DCDC2C: variants seen among roughly 807,000 people sequenced by gnomAD.
DCDC2C encodes the protein doublecortin domain-containing protein 2C.
A neutral mutation model predicts 45.0 loss-of-function variants in DCDC2C; 44 were observed. The ratio of observed to expected loss-of-function variants is 0.98; its 90% CI spans 0.77 to 1.26. The LOEUF is 1.26. Ranked by LOEUF, DCDC2C falls within the 50% of genes most tolerant of loss-of-function variation. DCDC2C has a pLI of 0.00. For missense variants in DCDC2C, 447 were observed against 468.9 expected, an observed-to-expected ratio of 0.95 and a Z score of 0.43; for synonymous variants, 187 against 178.8, an observed-to-expected ratio of 1.05 and a Z score of -0.37.
intron 7 of DCDC2C, among the ~76,000 whole-genome samples, chr2:3,768,482 G>A (rs1670072519): frequency 6.6e-6 from 1 of 152,230 alleles, no homozygotes; most frequent in Non-Finnish European, 1.5e-5. Context: ...GAGAAAGCAA[G>A]GTGGTGGGAG....
chr2:3,777,561 TA>T (rs945688712), intron 8 of DCDC2C, among the ~76,000 whole-genome samples: 16 of 152,254 alleles, frequency 1.1e-4, no homozygotes, highest in African/African-American at 3.6e-4. Flanking sequence ...GATTATTCTT[TA>T]AAATAATGTG....
rs530814875 is a variant in DCDC2C at position 3,729,393 on chromosome 2, G to C, written c.416+2314G>C. Among the ~76,000 whole-genome samples, 5 of 152,340 alleles carry C rather than the reference G, an allele frequency of 3.3e-5. No homozygotes were observed. In the East Asian group the frequency reaches 9.6e-4, roughly 29 times the overall value. On this transcript the variant is annotated intron_variant, in intron 3 of 10. Transcript: ENST00000399143. ...TAGACACAGCTGGACATTAGTGAAA[G>C]CGGCAAAAACAGATTTTATTTAGTA...
intron 10 of DCDC2C, among the ~76,000 whole-genome samples, chr2:3,794,553 C>T (rs188589872): frequency 3.8e-4 from 57 of 150,658 alleles, no homozygotes; most frequent in Admixed American, 3.5e-3. Context: ...GTATGATGTT[C>T]CCCTTCCTGT....
intron 10 of DCDC2C, among the ~76,000 whole-genome samples, chr2:3,823,411 G>A (rs1045505071): frequency 2.0e-5 from 3 of 152,100 alleles, no homozygotes; most frequent in Non-Finnish European, 4.4e-5. Context: ...CCTGAGTAAT[G>A]TTCTCTATGC....
Position 3,818,083 on chromosome 2 carries a change from T to A in DCDC2C, c.1066-29071T>A, listed in dbSNP as rs1671598328. ...GGGCTTTGGAGGGGGATATGAGATA[T>A]CCTTTTGAGAATAGATGTTGGAAGA... On this transcript the variant is annotated intron_variant, in intron 10 of 10. Transcript: ENST00000399143. The surrounding 1 kb of genome is among the most constrained non-coding windows in gnomAD (Gnocchi z 4.7). Among the ~76,000 whole-genome samples, 1 of 152,000 alleles carries A rather than the reference T, an allele frequency of 6.6e-6. No homozygotes were observed.
chr2:3,732,265 G>T (rs1197883272), intron 3 of DCDC2C, among the ~76,000 whole-genome samples: 1 of 152,094 alleles, frequency 6.6e-6, no homozygotes, highest in African/African-American at 2.4e-5. Context: ...CATGATCTCG[G>T]AGAGAAGCCA....
intron 3 of DCDC2C, among the ~76,000 whole-genome samples, chr2:3,727,501 T>G (rs1435947715): frequency 6.6e-6 from 1 of 152,168 alleles, no homozygotes; most frequent in Non-Finnish European, 1.5e-5. Context: ...CCCCCGCCCC[T>G]TGACCTCTTG....
intron 6 of DCDC2C, 77 bp from the exon 7 acceptor site, chr2:3,767,677 C>G (rs1438840319): frequency 6.7e-7 from 1 of 1,502,808 alleles, no homozygotes; most frequent in East Asian, 2.5e-5. Flanking sequence ...TCTTCCTGAC[C>G]ACACCCAGAG....
intron 8 of DCDC2C, among the ~76,000 whole-genome samples, chr2:3,773,368 G>A (rs1185623533): frequency 6.6e-6 from 1 of 151,642 alleles, no homozygotes; most frequent in African/African-American, 2.4e-5. Flanking sequence ...GTATCCCCTT[G>A]GCATCCACCC....
At chr2:3,836,849 G>C (rs575969690) in intron 10 of DCDC2C, among the ~76,000 whole-genome samples, 162 of 125,316 alleles carry the variant, frequency 1.3e-3, no homozygotes, top group Non-Finnish European at 1.2e-3. Context: ...GCGACAGAGC[G>C]AGACTCCGTC....
intron 10 of DCDC2C, among the ~76,000 whole-genome samples, chr2:3,823,930 A>G (rs988774565): frequency 6.6e-6 from 1 of 152,232 alleles, no homozygotes; most frequent in Non-Finnish European, 1.5e-5. Context: ...GCTGTGTGCC[A>G]TGTGGTCTTT....
At chr2:3,730,272 G>A (rs1355158684) in intron 3 of DCDC2C, among the ~76,000 whole-genome samples, 1 of 152,122 alleles carries the variant, frequency 6.6e-6, no homozygotes, top group Non-Finnish European at 1.5e-5. Flanking sequence ...GCAACATAAT[G>A]AGACCCCATC....
In DCDC2C at chr2:3,734,912, G is replaced by A. The variant is rs1185484792; in HGVS notation, c.417-7008G>A. Among the ~76,000 whole-genome samples, 6 of 152,158 alleles carry A rather than the reference G, an allele frequency of 3.9e-5. No individual in the cohort carries two copies. The highest frequency in any genetic ancestry group is 6.5e-5 in the Admixed American group (1 of 15,270). On this transcript the variant is annotated intron_variant, in intron 3 of 10. Coordinates refer to ENST00000399143, the MANE Select transcript of DCDC2C (RefSeq NM_001287444.2). The surrounding 1 kb of genome is among the most constrained non-coding windows in gnomAD (Gnocchi z 4.2). The stretch of plus-strand genomic sequence containing the variant: ...TTTAGATAGGGGGTTCCTTACTCCC[G>A]GGTCCAGGGATGACTCCCTTATCGT...
At chr2:3,732,624 G>A (rs1022205644) in intron 3 of DCDC2C, among the ~76,000 whole-genome samples, 1 of 152,116 alleles carries the variant, frequency 6.6e-6, no homozygotes, top group African/African-American at 2.4e-5. Context: ...TGAGGGGAAA[G>A]GTGGCCTTAG....
chr2:3,772,758 C>T (rs1470219650), intron 8 of DCDC2C, among the ~76,000 whole-genome samples: 1 of 152,224 alleles, frequency 6.6e-6, no homozygotes, highest in Admixed American at 6.5e-5. Context: ...ATACAAGTCA[C>T]TTTTCTGTCC....
At chr2:3,732,813 A>G (rs1183951607) in intron 3 of DCDC2C, among the ~76,000 whole-genome samples, 1 of 152,182 alleles carries the variant, frequency 6.6e-6, no homozygotes, top group Non-Finnish European at 1.5e-5. Flanking sequence ...TCTGGGAGTC[A>G]TAAGAAGGAC....
intron 10 of DCDC2C, among the ~76,000 whole-genome samples, chr2:3,785,363 C>CGTGTGG (rs1163223529): frequency 6.6e-6 from 1 of 152,124 alleles, no homozygotes; most frequent in Non-Finnish European, 1.5e-5. Flanking sequence ...CCTAGGGCAG[C>CGTGTGG]GTGTGGCTGG....
intron 10 of DCDC2C, among the ~76,000 whole-genome samples, chr2:3,821,844 A>G (rs898879515): frequency 1.3e-5 from 2 of 152,252 alleles, no homozygotes; most frequent in Non-Finnish European, 2.9e-5. Context: ...GTAACTCTGT[A>G]ATTCACATGC....
intron 10 of DCDC2C, among the ~76,000 whole-genome samples, chr2:3,815,648 C>A (rs978361573): frequency 6.6e-6 from 1 of 152,104 alleles, no homozygotes; most frequent in African/African-American, 2.4e-5. Flanking sequence ...TCCGAAGAGT[C>A]AGTGAAGGGA....
Sources: gnomAD v4.1 joint callset for allele counts (sites outside exome capture counted in the v4.1 genomes callset) on GRCh38, gnomAD v4.1.1 for gene constraint, Gnocchi (gnomAD v3.1) non-coding constraint, MANE v1.5 for transcripts, NCBI Gene and HGNC (gene_info 2026-07-23, HGNC 2026-07-21) for gene names.